Variants in RPL35A observed in about 807,000 individuals in gnomAD.
RPL35A encodes large ribosomal subunit protein eL33.
RPL35A carries 1 observed loss-of-function variant against 16.7 expected under a neutral mutation model. The observed-to-expected ratio is 0.06, with a 90% CI of 0.02 to 0.28. The LOEUF (loss-of-function observed/expected upper bound fraction) is 0.28. Ranked by LOEUF, RPL35A falls within the 10% of genes least tolerant of loss-of-function variation. The pLI, the probability that RPL35A is intolerant of heterozygous loss-of-function variation, is 1.00. For missense variants in RPL35A, 91 were observed against 138.7 expected, an observed-to-expected ratio of 0.66 and a Z score of 1.73; for synonymous variants, 58 against 47.0, an observed-to-expected ratio of 1.23 and a Z score of -0.96.
At position 197,956,167 on chromosome 3, in the gene RPL35A, G is replaced by A. The variant is rs80279119; in HGVS notation, c.*394G>A. On this transcript the variant is annotated 3_prime_UTR_variant, in exon 5 of 5. Transcript: ENST00000647248. ...AGAGGGTCTGACTCTTGCCTATGCTGGCTTCAAACTCCTGGGCTCAAGCAA... is the reference window on the plus strand; with the variant it reads ...AGAGGGTCTGACTCTTGCCTATGCTAGCTTCAAACTCCTGGGCTCAAGCAA... The A allele has an allele frequency of 0.021, 4,955 of 237,152 alleles. 77 individuals are homozygous for A. The highest frequency in any genetic ancestry group is 0.03 in the Non-Finnish European group (3,514 of 118,256). The allele number at this position is 237,152 out of a possible 1,614,324, so 14.7% of individuals were successfully genotyped here.
intron 4 of RPL35A, among the ~76,000 whole-genome samples, chr3:197,954,687 A>G (rs1187171979): frequency 6.6e-6 from 1 of 151,870 alleles, no homozygotes; most frequent in African/African-American, 2.4e-5. Flanking sequence ...AATTTTTTGT[A>G]TTTTTGTATT....
chr3:197,954,167 A>T lies in RPL35A; in HGVS notation c.309+20A>T, dbSNP rs1206422063. On this transcript the variant is annotated intron_variant, in intron 4 of 4. Coordinates refer to ENST00000647248, the MANE Select transcript of RPL35A (RefSeq NM_000996.4). ...CGAGTGGTGAGTATGGTTTTTAGCA[A>T]AATGGACGTCTGATGAATCAGACTA... 5 of 1,613,850 alleles carry T rather than the reference A, an allele frequency of 3.1e-6. No homozygotes were observed. The highest frequency in any genetic ancestry group is 4.2e-6 in the Non-Finnish European group (5 of 1,179,784).
At chr3:197,955,409 C>A (rs1279336987) in intron 4 of RPL35A, among the ~76,000 whole-genome samples, 1 of 151,964 alleles carries the variant, frequency 6.6e-6, no homozygotes, top group African/African-American at 2.4e-5. Flanking sequence ...ACTATAGGCA[C>A]GTACCACCAT....
At position 197,951,238 on chromosome 3, in the gene RPL35A, G is replaced by A; in HGVS notation, c.91G>A (p.Glu31Lys). 1 of 1,614,232 alleles carries A rather than the reference G, an allele frequency of 6.2e-7. No individual in the cohort carries two copies. Among genetic ancestry groups the A allele is most frequent in the Non-Finnish European group, 8.5e-7 (1 of 1,180,036 alleles). ...QREHTALLKI[E>K]GVYARDETEF... ...GGAGCACACAGCTCTTCTTAAAATT[G>A]AAGGTGTTTACGCCCGAGATGAAAC... The change falls in exon 3 of 5, where the codon GAA (glutamate) becomes AAA (lysine). Residue 31 changes from glutamate (E) to lysine (K), a missense_variant. Transcript: ENST00000647248.
intron 3 of RPL35A, among the ~76,000 whole-genome samples, chr3:197,952,001 A>C (rs1199062382): frequency 6.6e-6 from 1 of 152,126 alleles, no homozygotes; most frequent in African/African-American, 2.4e-5. Flanking sequence ...GTGGTGTTGG[A>C]TTTAGGTACC....
intron 3 of RPL35A, among the ~76,000 whole-genome samples, chr3:197,951,847 G>A (rs1581100011): frequency 6.6e-6 from 1 of 152,112 alleles, no homozygotes; most frequent in East Asian, 1.9e-4. Context: ...ACAGGGGTGT[G>A]CCACCACGCC....
Position 197,956,430 on chromosome 3 carries a change from CCA to C in RPL35A, c.*659_*660del, listed in dbSNP as rs1020859312. On this transcript the variant is annotated 3_prime_UTR_variant, in exon 5 of 5. Transcript: ENST00000647248. ...TAAAATAAAATTAAGCCATATTACT[CCA>C]CTCATAAAAAGCAATCCTATGGTAG... The C allele has an allele frequency of 6.5e-6, 1 of 152,716 alleles. No individual in the cohort carries two copies. The highest frequency in any genetic ancestry group is 1.5e-5 in the Non-Finnish European group (1 of 68,494). 9.5% of individuals were successfully genotyped at this position (152,716 alleles called of 1,614,324 possible).
intron 4 of RPL35A, chr3:197,954,551 G>A (rs984032293): frequency 2.5e-5 from 8 of 318,384 alleles, no homozygotes; most frequent in Middle Eastern, 1.1e-3. Context: ...ACTTTGTCAC[G>A]CAGGCTGGAG....
chr3:197,953,713 T>A (rs1720306350), intron 3 of RPL35A: 1 of 482,694 alleles, frequency 2.1e-6, no homozygotes, highest in Admixed American at 3.3e-5. Context: ...CCTTTTTTGC[T>A]ATTTTTTCAA....
intron 4 of RPL35A, chr3:197,954,572 T>C (rs1720384305): frequency 3.6e-6 from 1 of 277,522 alleles, no homozygotes; most frequent in African/African-American, 2.2e-5. Flanking sequence ...TGCAGTGGCA[T>C]GATCTCAGCT....
At chr3:197,951,064 A>T in intron 2 of RPL35A, 86 bp downstream of exon 2, 1 of 1,603,272 alleles carries the variant, frequency 6.2e-7, no homozygotes, top group Admixed American at 1.7e-5. Context: ...AAAAACTTAG[A>T]TGTTTGCTCT....
intron 3 of RPL35A, chr3:197,953,711 G>C (rs1174760006): frequency 6.3e-6 from 3 of 475,444 alleles, no homozygotes; most frequent in Admixed American, 6.6e-5. Flanking sequence ...GTCCTTTTTT[G>C]CTATTTTTTC....
intron 3 of RPL35A, chr3:197,952,475 T>G (rs1332726902): frequency 6.6e-6 from 1 of 151,874 alleles, no homozygotes. Context: ...GCCCCTTGTT[T>G]TTTCTTTTCT....
At chr3:197,953,959 A>G (rs1263244572) in intron 3 of RPL35A, 44 bp from the exon 4 acceptor site, 1 of 1,608,914 alleles carries the variant, frequency 6.2e-7, no homozygotes, top group Non-Finnish European at 8.5e-7. Context: ...TTTGTATCCA[A>G]CTATATCAGC....
rs1157075582 is a variant in RPL35A, at chr3:197,951,252, C to G, written c.105C>G (p.Ala35=). The G allele has an allele frequency of 6.2e-7, 1 of 1,613,912 alleles. No individual in the cohort carries two copies. Among genetic ancestry groups the G allele is most frequent in the African/African-American group, 1.3e-5 (1 of 74,866 alleles). The change falls in exon 3 of 5, where the codon GCC becomes GCG. Residue 35 remains alanine (A), a synonymous_variant. Coordinates refer to ENST00000647248, the MANE Select transcript of RPL35A (RefSeq NM_000996.4). ...TTCTTAAAATTGAAGGTGTTTACGC[C>G]CGAGATGAAACAGAATTCTATTTGG... ...TALLKIEGVY[A]RDETEFYLGK... is the part of the protein sequence containing the mutation.
intron 3 of RPL35A, chr3:197,951,553 A>T: frequency 2.1e-6 from 1 of 479,900 alleles, no homozygotes; most frequent in Non-Finnish European, 3.8e-6. Context: ...GGGTATTGCC[A>T]TGTTGGCCAG....
chr3:197,951,423 C>T, intron 3 of RPL35A, 112 bp downstream of exon 3: 1 of 1,215,098 alleles, frequency 8.2e-7, no homozygotes, highest in Non-Finnish European at 1.2e-6. Context: ...ACTTGGTCTC[C>T]CTCACCGAAA....
At chr3:197,951,525 G>C (rs1047700181) in intron 3 of RPL35A, 6 of 543,130 alleles carry the variant, frequency 1.1e-5, no homozygotes, top group Non-Finnish European at 2.0e-5. Flanking sequence ...GCTAGTTTTT[G>C]TATTATTAGT....
Position 197,953,983 on chromosome 3 carries a change from C to A in RPL35A, c.165-20C>A, listed in dbSNP as rs1345784768. On this transcript the variant is annotated intron_variant, in intron 3 of 4. Transcript: ENST00000647248. ...AACTATATCAGCTTGTATTCCTCTT[C>A]TTTCCCTTTTTAAAATCAGCAACAC... 3 of 1,611,980 alleles carry A rather than the reference C, an allele frequency of 1.9e-6. No homozygotes were observed. Among genetic ancestry groups the A allele is most frequent in the East Asian group, 2.2e-5 (1 of 44,886 alleles).
Sources: allele counts gnomAD v4.1 joint callset (sites outside exome capture counted in the v4.1 genomes callset), GRCh38; gene constraint gnomAD v4.1.1; transcripts MANE v1.5; gene names NCBI Gene and HGNC (gene_info 2026-07-23, HGNC 2026-07-21).